The following SUGCT variants were observed in gnomAD, a reference collection of about 807,000 sequenced individuals.
SUGCT encodes the protein succinyl-CoA:glutarate-CoA transferase.
SUGCT carries 41 observed loss-of-function variants against 55.0 expected under a neutral mutation model. That is an observed-to-expected ratio of 0.74 (90% CI 0.58 to 0.97). The LOEUF (loss-of-function observed/expected upper bound fraction) is 0.97, where lower values mean the gene tolerates loss of function less well. SUGCT is among the 50% of genes least tolerant of loss of function. The pLI is 0.00. For missense variants in SUGCT, 568 were observed against 547.8 expected (o/e 1.04, Z -0.37); for synonymous variants, 187 against 200.4 (o/e 0.93, Z 0.56).
intron 12 of SUGCT, among the ~76,000 whole-genome samples, chr7:40,670,554 AT>A (rs1801890472): frequency 1.3e-5 from 2 of 152,096 alleles, no homozygotes; most frequent in Non-Finnish European, 2.9e-5. Context: ...CATTAAAAAA[AT>A]TTTTTTTAGA....
chr7:40,502,353 T>A (rs1792327998), intron 12 of SUGCT, among the ~76,000 whole-genome samples: 1 of 152,034 alleles, frequency 6.6e-6, no homozygotes, highest in Non-Finnish European at 1.5e-5. Context: ...TGGGGGCATT[T>A]TGCAACCCAG....
the SUGCT span, among the ~76,000 whole-genome samples, chr7:40,910,098 CT>C: frequency 0.028 from 4,119 of 149,392 alleles, 167 homozygotes; most frequent in African/African-American, 0.095. Flanking sequence ...GGTTTCTTTC[CT>C]TTTTTTTTTC....
intron 9 of SUGCT, among the ~76,000 whole-genome samples, chr7:40,350,291 T>C (rs1327940299): frequency 7.8e-6 from 1 of 128,546 alleles, no homozygotes; most frequent in Non-Finnish European, 1.6e-5. Flanking sequence ...TTTATTTATT[T>C]ATTTATTTAT....
At chr7:40,486,213 A>G (rs1791335928) in intron 11 of SUGCT, among the ~76,000 whole-genome samples, 1 of 152,138 alleles carries the variant, frequency 6.6e-6, no homozygotes. Context: ...TAGGTTGAGT[A>G]TATTTAGGAA....
At chr7:40,652,843 C>T (rs1298731521) in intron 12 of SUGCT, among the ~76,000 whole-genome samples, 2 of 152,150 alleles carry the variant, frequency 1.3e-5, no homozygotes, top group Non-Finnish European at 1.5e-5. Context: ...CTTAAAGCAC[C>T]TTAATGACCT....
intron 13 of SUGCT, among the ~76,000 whole-genome samples, chr7:40,778,180 C>T (rs1032445105): frequency 3.9e-5 from 6 of 152,210 alleles, no homozygotes; most frequent in Non-Finnish European, 8.8e-5. Context: ...TTTTACTCAG[C>T]TGTGGCCAGA....
chr7:41,019,715 G>A, the SUGCT span, among the ~76,000 whole-genome samples: 2 of 152,224 alleles, frequency 1.3e-5, no homozygotes, highest in East Asian at 1.9e-4. Flanking sequence ...GCTGTAATTC[G>A]GGTTGACTCG....
At chr7:40,264,082 G>T (rs1274272450) in intron 7 of SUGCT, among the ~76,000 whole-genome samples, 1 of 152,130 alleles carries the variant, frequency 6.6e-6, no homozygotes, top group Admixed American at 6.6e-5. Flanking sequence ...GTGCTTTGTA[G>T]TGTTAAGACT....
chr7:40,193,441 C>T (rs1283042456), intron 5 of SUGCT, among the ~76,000 whole-genome samples: 4 of 151,686 alleles, frequency 2.6e-5, no homozygotes, highest in Admixed American at 6.6e-5. Flanking sequence ...CGTGCCACCA[C>T]GTCCAGCTAA....
intron 11 of SUGCT, among the ~76,000 whole-genome samples, chr7:40,489,247 G>GTTT (rs34447989): frequency 7.4e-6 from 1 of 134,800 alleles, no homozygotes; most frequent in Non-Finnish European, 1.6e-5. Flanking sequence ...CTCTATTGCA[G>GTTT]TTTTTTTTTT....
At chr7:40,260,921 A>G (rs1265731372) in intron 7 of SUGCT, among the ~76,000 whole-genome samples, 1 of 152,128 alleles carries the variant, frequency 6.6e-6, no homozygotes, top group African/African-American at 2.4e-5. Context: ...GTGAGCCACC[A>G]TGCCTGGCCT....
chr7:40,218,913 AC>A (rs1278006140), intron 6 of SUGCT, among the ~76,000 whole-genome samples: 1 of 152,156 alleles, frequency 6.6e-6, no homozygotes, highest in Admixed American at 6.6e-5. Context: ...AAAGCTGGCC[AC>A]CCGAGCCAGT....
intron 12 of SUGCT, among the ~76,000 whole-genome samples, chr7:40,702,308 C>T (rs973389662): frequency 6.6e-6 from 1 of 152,232 alleles, no homozygotes; most frequent in Non-Finnish European, 1.5e-5. Context: ...TCTAACCTCT[C>T]ACTGTGTCAA....
chr7:40,326,552 C>T (rs754783001), intron 9 of SUGCT, among the ~76,000 whole-genome samples: 1 of 152,026 alleles, frequency 6.6e-6, no homozygotes, highest in Non-Finnish European at 1.5e-5. Context: ...GAAAAGAGGG[C>T]AACACGCTGT....
chr7:40,747,297 A>T (rs1787782890), intron 12 of SUGCT, among the ~76,000 whole-genome samples: 1 of 152,320 alleles, frequency 6.6e-6, no homozygotes, highest in Admixed American at 6.5e-5. Flanking sequence ...ATATTTAGCC[A>T]TAGCAAAACT....
the SUGCT span, among the ~76,000 whole-genome samples, chr7:40,917,785 G>A: frequency 0.17 from 26,376 of 152,058 alleles, 2,953 homozygotes; most frequent in African/African-American, 0.32. Context: ...GTCCTCAGAT[G>A]GTAGAGAGAA....
chr7:40,464,672 A>T (rs1438324836), intron 11 of SUGCT, among the ~76,000 whole-genome samples: 1 of 152,188 alleles, frequency 6.6e-6, no homozygotes. Context: ...TTGCTACAAA[A>T]ATTAAAATTA....
At chr7:40,420,408 G>C (rs960833525) in intron 9 of SUGCT, among the ~76,000 whole-genome samples, 3 of 151,796 alleles carry the variant, frequency 2.0e-5, no homozygotes, top group African/African-American at 7.3e-5. Flanking sequence ...GTGTGATTTG[G>C]GCTCACTGCA....
intron 9 of SUGCT, among the ~76,000 whole-genome samples, chr7:40,398,851 C>T (rs555683080): frequency 6.6e-6 from 1 of 152,154 alleles, no homozygotes; most frequent in African/African-American, 2.4e-5. Flanking sequence ...AGAAGGATGA[C>T]CTTGGGGCAT....
Sources: allele counts gnomAD v4.1 joint callset (sites outside exome capture counted in the v4.1 genomes callset), GRCh38; gene constraint gnomAD v4.1.1; transcripts MANE v1.5; gene names NCBI Gene and HGNC (gene_info 2026-07-23, HGNC 2026-07-21).